USP43: variants seen among roughly 807,000 people sequenced by gnomAD.
USP43 encodes ubiquitin carboxyl-terminal hydrolase 43.
USP43 carries 33 observed loss-of-function variants against 90.7 expected under a neutral mutation model. The ratio of observed to expected loss-of-function variants is 0.36; its 90% CI spans 0.28 to 0.49. The LOEUF (loss-of-function observed/expected upper bound fraction) is 0.49. USP43 is among the 20% of genes least tolerant of loss of function. USP43 has a pLI of 0.98. For missense variants in USP43, 1,274 were observed against 1,476.4 expected, an observed-to-expected ratio of 0.86 and a Z score of 2.25; for synonymous variants, 598 against 615.8, an observed-to-expected ratio of 0.97 and a Z score of 0.43.
At chr17:9,707,569 C>A (rs1255225794) in intron 12 of USP43, among the ~76,000 whole-genome samples, 1 of 150,944 alleles carries the variant, frequency 6.6e-6, no homozygotes, top group Non-Finnish European at 1.5e-5. Flanking sequence ...ATGGCGTGAA[C>A]CCGGGAGGTG....
intron 3 of USP43, chr17:9,669,896 C>G (rs2080616857): frequency 6.6e-6 from 1 of 152,532 alleles, no homozygotes; most frequent in Non-Finnish European, 1.5e-5. Context: ...CAGGCATGCG[C>G]TGGAGATGGC....
At position 9,668,822 on chromosome 17, in the gene USP43, T is replaced by C. The variant is rs144258379; in HGVS notation, c.740+2071T>C. ...AAAGCTATTGGCCATGAAAGCCGCT[T>C]GTAGGGCATCTGTCTTATTTATTTA... On this transcript the variant is annotated intron_variant, in intron 3 of 14. Transcript: ENST00000285199. 2.7e-3 allele frequency among the ~76,000 whole-genome samples: 416 copies of C among 152,076 alleles called. 1 individual carries two copies. The highest frequency in any genetic ancestry group is 9.4e-3 in the African/African-American group (390 of 41,424).
intron 6 of USP43, among the ~76,000 whole-genome samples, chr17:9,681,305 GATAAATATAT>G (rs1914211504): frequency 2.2e-5 from 2 of 91,408 alleles, no homozygotes; most frequent in South Asian, 2.9e-4. Flanking sequence ...ATATAATATA[GATAAATATAT>G]ATAAATATAT....
At position 9,645,545 on chromosome 17, in the gene USP43, G is replaced by A. The variant is rs1597803111; in HGVS notation, c.-88G>A. ...CCTGGCCCGCAGGTAGCCGGCACCA[G>A]GAGCCTTAGAGAAGCTGTAGGGCCT... On this transcript the variant is annotated 5_prime_UTR_variant, in exon 1 of 15. Transcript: ENST00000285199. The surrounding 1 kb of genome is among the most constrained non-coding windows in gnomAD (Gnocchi z 6.8). 3 of 1,130,130 alleles carry A rather than the reference G, an allele frequency of 2.7e-6. No homozygotes were observed. The South Asian group carries it at 1.3e-4, about 51-fold the overall frequency. 70.0% of individuals were successfully genotyped at this position (1,130,130 alleles called of 1,614,324 possible).
intron 6 of USP43, among the ~76,000 whole-genome samples, chr17:9,681,359 A>AT (rs1206546351): frequency 8.5e-6 from 1 of 117,830 alleles, no homozygotes; most frequent in East Asian, 2.2e-4. Context: ...TAAAATAAAT[A>AT]AAATAAATAA....
chr17:9,659,355 T>C (rs1390946401), intron 2 of USP43, among the ~76,000 whole-genome samples: 1 of 152,204 alleles, frequency 6.6e-6, no homozygotes, highest in Non-Finnish European at 1.5e-5. Context: ...TAAGGATAAC[T>C]CCTATTTTAC....
Position 9,709,643 on chromosome 17 carries a change from G to C in USP43, c.2012-313G>C, listed in dbSNP as rs529535223. Reference sequence around the variant, plus strand: ...AGGCAGGAGAATCACTGGAACCCGGGGGGTGGAGGTTGCCGTGAGCCGAGA... The same window carrying C: ...AGGCAGGAGAATCACTGGAACCCGGCGGGTGGAGGTTGCCGTGAGCCGAGA... On this transcript the variant is annotated intron_variant, in intron 12 of 14. Transcript: ENST00000285199. This position sits in a 1 kb window ranked among gnomAD's most constrained non-coding sequence, Gnocchi z 5.0. Among the ~76,000 whole-genome samples, 14 of 152,068 alleles carry C rather than the reference G, an allele frequency of 9.2e-5. No homozygotes were observed. Among genetic ancestry groups the C allele is most frequent in the African/African-American group, 2.7e-4 (11 of 41,404 alleles).
At chr17:9,679,693 G>A (rs1183461021) in intron 5 of USP43, among the ~76,000 whole-genome samples, 4 of 151,846 alleles carry the variant, frequency 2.6e-5, no homozygotes, top group Admixed American at 1.3e-4. Flanking sequence ...TCTTTTTAAC[G>A]AGAACTTCCC....
At chr17:9,665,488 T>C (rs909543806) in intron 2 of USP43, among the ~76,000 whole-genome samples, 1 of 151,864 alleles carries the variant, frequency 6.6e-6, no homozygotes, top group African/African-American at 2.4e-5. Context: ...TATAAAACCA[T>C]CAGATCTCAT....
intron 14 of USP43, 120 bp downstream of exon 14, chr17:9,712,252 G>A (rs1916246025): frequency 2.4e-6 from 3 of 1,241,056 alleles, no homozygotes; most frequent in Admixed American, 7.1e-5. Context: ...ATTACGAGAG[G>A]TTTGTTCATC....
chr17:9,696,495 T>C (rs1480172664), intron 9 of USP43, among the ~76,000 whole-genome samples: 5 of 152,124 alleles, frequency 3.3e-5, no homozygotes, highest in Admixed American at 6.5e-5. Context: ...GTCTCCTAGA[T>C]CCATATCTCC....
chr17:9,693,193 A>T lies in USP43; in HGVS notation c.1420A>T (p.Lys474Ter). The T allele has an allele frequency of 6.2e-7, 1 of 1,613,548 alleles. No homozygotes were observed. Among genetic ancestry groups the T allele is most frequent in the Non-Finnish European group, 8.5e-7 (1 of 1,179,758 alleles). ...TGTGGCCTGCAGCTATTTGTCTCCG[A>T]AGGACAGTCGGCCCCTCTGTCACTG... ...LSVACSYLSP[K>*]DSRPLCHWAV... Residue 474 changes from lysine (K) to a stop codon, truncating the protein, a stop_gained, in exon 9 of 15, where the codon AAG becomes TAG. Coordinates refer to ENST00000285199, the MANE Select transcript of USP43 (RefSeq NM_153210.5). LOFTEE classifies it high-confidence loss of function.
At chr17:9,651,978 C>G (rs577036007) in intron 1 of USP43, among the ~76,000 whole-genome samples, 4 of 151,770 alleles carry the variant, frequency 2.6e-5, no homozygotes, top group African/African-American at 9.7e-5. Context: ...AGAAAACAAC[C>G]AGAAATATGA....
intron 14 of USP43, among the ~76,000 whole-genome samples, 198 bp downstream of exon 14, chr17:9,712,330 AC>A (rs1169176351): frequency 6.6e-6 from 1 of 151,976 alleles, no homozygotes; most frequent in Admixed American, 6.6e-5. Flanking sequence ...CCCTCCAGCC[AC>A]AGGTACCTTT....
chr17:9,688,998 T>C (rs1914765303), intron 8 of USP43, among the ~76,000 whole-genome samples: 1 of 152,104 alleles, frequency 6.6e-6, no homozygotes, highest in African/African-American at 2.4e-5. Flanking sequence ...CCAATTTCAA[T>C]TTTAGAAATG....
chr17:9,687,646 T>C (rs944438261), intron 8 of USP43, among the ~76,000 whole-genome samples: 3 of 152,236 alleles, frequency 2.0e-5, no homozygotes, highest in Admixed American at 6.5e-5. Context: ...AGATTCCTAT[T>C]GTCCCCTAAC....
At chr17:9,714,104 T>G (rs1000772220) in intron 14 of USP43, among the ~76,000 whole-genome samples, 1 of 152,204 alleles carries the variant, frequency 6.6e-6, no homozygotes, top group African/African-American at 2.4e-5. Context: ...CTAATACGCC[T>G]GCTGATCTGA....
intron 9 of USP43, among the ~76,000 whole-genome samples, chr17:9,696,274 C>T (rs746537612): frequency 3.9e-5 from 6 of 152,148 alleles, no homozygotes; most frequent in African/African-American, 7.2e-5. Context: ...GCTGGGACTA[C>T]AGGTGCACAC....
intron 1 of USP43, among the ~76,000 whole-genome samples, chr17:9,655,842 G>A (rs1011591070): frequency 2.0e-4 from 31 of 152,208 alleles, no homozygotes; most frequent in Non-Finnish European, 3.5e-4. Flanking sequence ...ATACATATTA[G>A]AAAGAGGCAG....
Sources: gnomAD v4.1 joint callset for allele counts (sites outside exome capture counted in the v4.1 genomes callset) on GRCh38, gnomAD v4.1.1 for gene constraint, Gnocchi (gnomAD v3.1) non-coding constraint, MANE v1.5 for transcripts, NCBI Gene and HGNC (gene_info 2026-07-23, HGNC 2026-07-21) for gene names.